SLC4A11: variants seen among roughly 807,000 people sequenced by gnomAD.
SLC4A11 encodes solute carrier family 4 member 11.
In SLC4A11, 74 loss-of-function variants were observed where a neutral mutation model predicts 95.0. That is an observed-to-expected ratio of 0.78 (90% CI 0.65 to 0.95). The LOEUF (loss-of-function observed/expected upper bound fraction) is 0.95. SLC4A11 is among the 40% of genes least tolerant of loss of function. The pLI is 0.00. For synonymous variants in SLC4A11, 548 were observed against 519.0 expected, an observed-to-expected ratio of 1.06 and a Z score of -0.76; for missense variants, 1,081 against 1,192.4, an observed-to-expected ratio of 0.91 and a Z score of 1.38.
rs1417400803 is a variant in SLC4A11 at position 3,230,718 on chromosome 20, A to C, written c.1282+14T>G. ...GGTCTCAGGCACCATCTCCCGCCTC[A>C]GCCCCCACTGCACCCTGGATGTAGA... On this transcript the variant is annotated intron_variant, in intron 11 of 19. Coordinates refer to ENST00000642402, the MANE Select transcript of SLC4A11 (RefSeq NM_001174089.2). The C allele has an allele frequency of 1.6e-5, 26 of 1,613,004 alleles. No homozygotes were observed. Among genetic ancestry groups the C allele is most frequent in the Non-Finnish European group, 2.1e-5 (25 of 1,179,994 alleles).
upstream of SLC4A11, chr20:3,239,486 G>A: frequency 9.9e-7 from 1 of 1,011,162 alleles, no homozygotes; most frequent in Non-Finnish European, 1.2e-6. Flanking sequence ...GGGGCTGGAC[G>A]GGGCCGGGGA....
intron 2 of SLC4A11, 94 bp downstream of exon 2, chr20:3,237,450 A>C (rs1242829475): frequency 3.0e-6 from 4 of 1,331,784 alleles, no homozygotes; most frequent in Non-Finnish European, 4.3e-6. Context: ...TAGGCGAGCA[A>C]AGCCACAGGA....
intron 13 of SLC4A11, 57 bp from the exon 14 acceptor site, chr20:3,229,833 C>T (rs746663061): frequency 5.0e-5 from 80 of 1,611,730 alleles, no homozygotes; most frequent in Non-Finnish European, 5.9e-5. Context: ...GGGGGAGGCC[C>T]TGGAGGGAGG....
chr20:3,230,150 G>C, intron 13 of SLC4A11, 37 bp downstream of exon 13: 1 of 1,610,278 alleles, frequency 6.2e-7, no homozygotes, highest in Non-Finnish European at 8.5e-7. Flanking sequence ...TCTCGGCTGA[G>C]CGCCCTGTTC....
intron 7 of SLC4A11, among the ~76,000 whole-genome samples, chr20:3,232,048 G>A (rs866172989): frequency 2.0e-5 from 3 of 152,120 alleles, no homozygotes; most frequent in African/African-American, 2.4e-5. Flanking sequence ...AACTACCATC[G>A]ATCTATATTT....
In SLC4A11 at chr20:3,228,777, C is replaced by T. The variant is rs944041437; in HGVS notation, c.2192+61G>A. On this transcript the variant is annotated intron_variant, in intron 17 of 19. Transcript: ENST00000642402. ...ACAGGGCCTCACTCCTCCCTATGTC[C>T]CATGTGGCCAGAGGCTCCCCACTCC... The T allele has an allele frequency of 1.2e-5, 20 of 1,612,894 alleles. No homozygotes were observed. The African/African-American group carries it at 2.7e-4, about 22-fold the overall frequency.
chr20:3,235,020 TC>T, intron 2 of SLC4A11, 126 bp from the exon 3 acceptor site: 1 of 1,187,880 alleles, frequency 8.4e-7, no homozygotes, highest in Non-Finnish European at 1.2e-6. Flanking sequence ...GGAGAGGCCA[TC>T]CCATAGGCGA....
rs2067901591 is a variant in SLC4A11 at position 3,234,493 on chromosome 20, G to A, written c.291+75C>T. On this transcript the variant is annotated intron_variant, in intron 4 of 19. Coordinates refer to ENST00000642402, the MANE Select transcript of SLC4A11 (RefSeq NM_001174089.2). The surrounding 1 kb of genome is among the most constrained non-coding windows in gnomAD (Gnocchi z 5.8). ...AGGCATGGGAAGAGGGGAGCAGCGG[G>A]AGGATTCTCAGGGAAGCCATCACCT... 1 of 1,593,666 alleles carries A rather than the reference G, an allele frequency of 6.3e-7. No homozygotes were observed. Among genetic ancestry groups the A allele is most frequent in the African/African-American group, 1.3e-5 (1 of 74,598 alleles).
At position 3,237,530 on chromosome 20, in the gene SLC4A11, C is replaced by A. The variant is rs199733818; in HGVS notation, c.88+14G>T. 1.9e-6 allele frequency: 3 copies of A among 1,613,310 alleles called. No individual in the cohort carries two copies. The highest frequency in any genetic ancestry group is 1.1e-5 in the South Asian group (1 of 91,064). ...GCTCTCTCTGCACACACACACTCCC[C>A]GAGAGGTACTCACTTGAATCCTCGA... On this transcript the variant is annotated intron_variant, in intron 2 of 19. Coordinates refer to ENST00000642402, the MANE Select transcript of SLC4A11 (RefSeq NM_001174089.2).
In SLC4A11 at chr20:3,229,381, G is replaced by C; in HGVS notation, c.1814C>G (p.Ser605Cys). The C allele has an allele frequency of 6.2e-7, 1 of 1,613,354 alleles. No homozygotes were observed. Among genetic ancestry groups the C allele is most frequent in the South Asian group, 1.1e-5 (1 of 91,088 alleles). The part of the protein sequence containing the change: ...CALPIAVLAF[S>C]LISSHGFREI... ...CCGGAAGCCATGGGAGCTGATGAGG[G>C]AGAAGGCGAGCACCGCGATGGGCAG... Residue 605 changes from serine to cysteine, a missense_variant, in exon 15 of 20, where the codon TCC (serine) becomes TGC (cysteine). This residue lies in a region of SLC4A11 where 767 missense variants were observed against 858.0 expected (regional missense o/e 0.89). Transcript: ENST00000642402.
At chr20:3,239,377 C>A, upstream of SLC4A11, 1 of 1,115,320 alleles carries the variant, frequency 9.0e-7, no homozygotes, top group Non-Finnish European at 1.1e-6. Context: ...CCGGGCTGGG[C>A]TGCTCCCCGC....
At position 3,233,912 on chromosome 20, in the gene SLC4A11, G is replaced by A; in HGVS notation, c.605+9C>T. The A allele has an allele frequency of 6.2e-7, 1 of 1,612,344 alleles. No individual in the cohort carries two copies. Among genetic ancestry groups the A allele is most frequent in the Non-Finnish European group, 8.5e-7 (1 of 1,179,962 alleles). On this transcript the variant is annotated intron_variant, in intron 6 of 19. Transcript: ENST00000642402. Reference sequence around the variant, plus strand: ...ACAAGAAGGGGGGCCAAGTGGCCTGGCAACTCACATGATGCAGAGCCACGA... The same window carrying A: ...ACAAGAAGGGGGGCCAAGTGGCCTGACAACTCACATGATGCAGAGCCACGA...
rs759969370 is a variant in SLC4A11 at position 3,230,652 on chromosome 20, A to G, written c.1283-5T>C. 9.9e-6 allele frequency: 16 copies of G among 1,613,234 alleles called. No homozygotes were observed. Among genetic ancestry groups the G allele is most frequent in the Admixed American group, 1.7e-5 (1 of 60,020 alleles). On this transcript the variant is annotated splice_polypyrimidine_tract_variant and splice_region_variant and intron_variant, in intron 11 of 19. Transcript: ENST00000642402. Reference sequence around the variant, plus strand: ...CATCACAGATGACACGAATCACTGCAGGCAGGGGGCAGGGCGGGTCAGGGC... The same window carrying G: ...CATCACAGATGACACGAATCACTGCGGGCAGGGGGCAGGGCGGGTCAGGGC...
chr20:3,233,750 G>T, intron 6 of SLC4A11, 113 bp from the exon 7 acceptor site: 2 of 1,559,828 alleles, frequency 1.3e-6, no homozygotes, highest in Non-Finnish European at 1.7e-6. Flanking sequence ...GGAGGGAAAA[G>T]AAGAGCAAAT....
In SLC4A11 at chr20:3,229,810, C is replaced by G. The variant is rs779020722; in HGVS notation, c.1490-34G>C. 3 of 1,613,460 alleles carry G rather than the reference C, an allele frequency of 1.9e-6. No homozygotes were observed. The South Asian group carries it at 3.3e-5, about 18-fold the overall frequency. On this transcript the variant is annotated intron_variant, in intron 13 of 19. Coordinates refer to ENST00000642402, the MANE Select transcript of SLC4A11 (RefSeq NM_001174089.2). ...ACACACCCACAGGCCTCAGCCCTCT[C>G]CAGCGTGTGGCAGGGGGAGGCCCTG... is the stretch of plus-strand genomic sequence containing the variant.
In SLC4A11 at chr20:3,228,572, C is replaced by A. The variant is rs201769127; in HGVS notation, c.2328G>T (p.Ala776=). 1.2e-5 allele frequency: 19 copies of A among 1,613,218 alleles called. No homozygotes were observed. The highest frequency in any genetic ancestry group is 1.5e-5 in the Non-Finnish European group (18 of 1,179,962). ...GCTGGTTGCCATCGAGGGAGGTGAGCGCGATGTAGAGGAAGAGGCCATAGA... is the reference window on the plus strand; with the variant it reads ...GCTGGTTGCCATCGAGGGAGGTGAGAGCGATGTAGAGGAAGAGGCCATAGA... ...PVLYGLFLYI[A]LTSLDGNQLV... is the part of the protein sequence containing the mutation. The change falls in exon 18 of 20, where the codon GCG becomes GCT. Residue 776 remains alanine (A), a synonymous_variant. Transcript: ENST00000642402.
At chr20:3,229,883 G>A (rs1005604126) in intron 13 of SLC4A11, 107 bp from the exon 14 acceptor site, 3 of 1,489,624 alleles carry the variant, frequency 2.0e-6, no homozygotes, top group East Asian at 2.3e-5. Context: ...AAGGTGAGGG[G>A]ACCCTGCCGA....
chr20:3,230,428 G>A, intron 12 of SLC4A11, 87 bp downstream of exon 12: 2 of 1,604,088 alleles, frequency 1.2e-6, no homozygotes, highest in South Asian at 1.1e-5. Context: ...AATATGGTGG[G>A]GGCACCCCCA....
At chr20:3,237,830 C>A in intron 1 of SLC4A11, 1 of 1,562,486 alleles carries the variant, frequency 6.4e-7, no homozygotes, top group Non-Finnish European at 8.7e-7. Flanking sequence ...GCTGCCCAGG[C>A]GGGCCAGAGG....
Sources: allele counts gnomAD v4.1 joint callset (sites outside exome capture counted in the v4.1 genomes callset), GRCh38; gene constraint gnomAD v4.1.1; regional missense constraint gnomAD v4.1.1; non-coding constraint Gnocchi (gnomAD v3.1); transcripts MANE v1.5; gene names NCBI Gene and HGNC (gene_info 2026-07-23, HGNC 2026-07-21).